FAM81A: variants seen among roughly 807,000 people sequenced by gnomAD.
FAM81A encodes the protein family with sequence similarity 81 member A, also known as protein FAM81A.
FAM81A carries 19 observed loss-of-function variants against 46.7 expected under a neutral mutation model. That is an observed-to-expected ratio of 0.41 (90% CI 0.28 to 0.60). The LOEUF is 0.60. Ranked by LOEUF, FAM81A falls within the 20% of genes least tolerant of loss-of-function variation. The pLI is 0.34. For missense variants in FAM81A, 377 were observed against 453.5 expected (o/e 0.83, Z 1.53); for synonymous variants, 183 against 152.9 (o/e 1.20, Z -1.45).
intron 8 of FAM81A, among the ~76,000 whole-genome samples, chr15:59,520,099 AT>A (rs111227397): frequency 7.7e-4 from 116 of 149,700 alleles, no homozygotes; most frequent in African/African-American, 2.6e-3. Flanking sequence ...TTTTTTTGTG[AT>A]TTTTTTTTTT....
chr15:59,477,949 A>T (rs192742167), intron 3 of FAM81A, among the ~76,000 whole-genome samples: 1 of 152,352 alleles, frequency 6.6e-6, no homozygotes, highest in East Asian at 1.9e-4. Context: ...GATCATCATC[A>T]TTATAAATTT....
chr15:59,510,539 G>A (rs2082195548), intron 6 of FAM81A, among the ~76,000 whole-genome samples: 3 of 152,110 alleles, frequency 2.0e-5, no homozygotes, highest in African/African-American at 7.2e-5. Flanking sequence ...TATTAAGGGT[G>A]AGAAGGTGGT....
At chr15:59,510,376 A>G (rs1284245086) in intron 6 of FAM81A, among the ~76,000 whole-genome samples, 1 of 151,618 alleles carries the variant, frequency 6.6e-6, no homozygotes, top group Non-Finnish European at 1.5e-5. Context: ...CTCAAAAAAA[A>G]AAAAAAAGAA....
chr15:59,449,957 T>C (rs1324666128), intron 1 of FAM81A, among the ~76,000 whole-genome samples: 1 of 151,694 alleles, frequency 6.6e-6, no homozygotes, highest in Non-Finnish European at 1.5e-5. Context: ...AATCTCACGC[T>C]GTTGCCCAGG....
At chr15:59,411,961 A>T (rs1204521909) in intron 2 of FAM81A, among the ~76,000 whole-genome samples, 1 of 151,704 alleles carries the variant, frequency 6.6e-6, no homozygotes, top group African/African-American at 2.4e-5. Flanking sequence ...AACCTGCTGC[A>T]GCCTTTACTT....
Position 59,463,556 on chromosome 15 carries a change from A to T in FAM81A, c.294+3350A>T, listed in dbSNP as rs564307361. On this transcript the variant is annotated intron_variant, in intron 3 of 8. Coordinates refer to ENST00000288228, the MANE Select transcript of FAM81A (RefSeq NM_152450.3). ...AGATTGCTTTGCATGTATAGATTTT[A>T]AAAAGGCTGGGTGCAGTGGCTCACA... is the stretch of plus-strand genomic sequence containing the variant. Among the ~76,000 whole-genome samples, 3 of 152,266 alleles carry T rather than the reference A, an allele frequency of 2.0e-5. No individual in the cohort carries two copies. In the East Asian group the frequency reaches 5.8e-4, roughly 29 times the overall value.
In FAM81A at chr15:59,459,947, TGCCCCGACACA is replaced by T; in HGVS notation, c.39_49del (p.Arg14ValfsTer24). On this transcript the variant is annotated frameshift_variant, in exon 3 of 9. Coordinates refer to ENST00000288228, the MANE Select transcript of FAM81A (RefSeq NM_152450.3). LOFTEE classifies it high-confidence loss of function. ...CCCTTCTGCAGGCGAGTGAGAACCA[TGCCCCGACACA>T]GCCAGTCCCTGACCATGGCACCATA... The T allele has an allele frequency of 6.2e-7, 1 of 1,604,352 alleles. No individual in the cohort carries two copies. Among genetic ancestry groups the T allele is most frequent in the Non-Finnish European group, 8.5e-7 (1 of 1,174,366 alleles).
intron 2 of FAM81A, among the ~76,000 whole-genome samples, chr15:59,422,037 G>A (rs2081176258): frequency 6.6e-6 from 1 of 151,956 alleles, no homozygotes. Context: ...GGTGTTCATT[G>A]TATTTTTTTT....
At chr15:59,441,134 C>T (rs1357601393) in intron 1 of FAM81A, among the ~76,000 whole-genome samples, 2 of 152,216 alleles carry the variant, frequency 1.3e-5, no homozygotes, top group Non-Finnish European at 2.9e-5. Context: ...GCAATCCACA[C>T]TCTTCATTCT....
At chr15:59,470,211 C>G (rs998095015) in intron 3 of FAM81A, among the ~76,000 whole-genome samples, 1 of 152,152 alleles carries the variant, frequency 6.6e-6, no homozygotes, top group African/African-American at 2.4e-5. Flanking sequence ...CTAGGAGTAT[C>G]TTTGTGGTGT....
In FAM81A at chr15:59,458,580, C is replaced by T. The variant is rs371514627; in HGVS notation, c.-47C>T. On this transcript the variant is annotated 5_prime_UTR_variant, in exon 2 of 9. The change creates a new upstream start codon in the 5' untranslated region. Transcript: ENST00000288228. ...AATTATTAAAAAGAAAATGGCCCAA[C>T]GGAGCACTGTATTTCCTTCTCGTGT... 2.0e-4 allele frequency: 324 copies of T among 1,613,406 alleles called. 6 individuals carry two copies. The South Asian group carries it at 3.2e-3, about 16-fold the overall frequency.
chr15:59,402,090 G>A (rs1489177443), intron 1 of FAM81A: 8 of 460,676 alleles, frequency 1.7e-5, no homozygotes, highest in African/African-American at 8.1e-5. Flanking sequence ...ATGAGCTGAC[G>A]CCGTGCAGGC....
At chr15:59,444,103 C>G (rs1178459672) in intron 1 of FAM81A, 1 of 152,294 alleles carries the variant, frequency 6.6e-6, no homozygotes, top group Non-Finnish European at 1.5e-5. Context: ...CGGTGGCTTG[C>G]TAGTGTTATT....
At chr15:59,423,087 T>G (rs1239399665) in intron 2 of FAM81A, among the ~76,000 whole-genome samples, 1 of 152,118 alleles carries the variant, frequency 6.6e-6, no homozygotes, top group Non-Finnish European at 1.5e-5. Flanking sequence ...GTATTATTAT[T>G]ATTTTTTATT....
intron 3 of FAM81A, among the ~76,000 whole-genome samples, chr15:59,491,244 G>GATAGAACGAGA (rs1447461513): frequency 6.6e-6 from 1 of 152,210 alleles, no homozygotes; most frequent in African/African-American, 2.4e-5. Flanking sequence ...GAAAGAATGA[G>GATAGAACGAGA]GTTCTGTCAT....
In FAM81A at chr15:59,510,245, A is replaced by C. The variant is rs981572791; in HGVS notation, c.650+1276A>C. Among the ~76,000 whole-genome samples, 40 of 152,002 alleles carry C rather than the reference A, an allele frequency of 2.6e-4. 1 individual carries two copies. The highest frequency in any genetic ancestry group is 1.3e-4 in the Non-Finnish European group (9 of 67,990). ...GCCAGGCATGGTGGCACAGGCCTGT[A>C]ATCCCAGCTACTCGGGAGGGTGAGA... On this transcript the variant is annotated intron_variant, in intron 6 of 8. Coordinates refer to ENST00000288228, the MANE Select transcript of FAM81A (RefSeq NM_152450.3).
At chr15:59,444,929 A>G (rs2081338336) in intron 1 of FAM81A, among the ~76,000 whole-genome samples, 1 of 152,160 alleles carries the variant, frequency 6.6e-6, no homozygotes, top group African/African-American at 2.4e-5. Flanking sequence ...AAATGTAGCT[A>G]TCAGTGATAA....
chr15:59,406,584 C>A (rs923064324), intron 2 of FAM81A, among the ~76,000 whole-genome samples: 1 of 152,182 alleles, frequency 6.6e-6, no homozygotes, highest in African/African-American at 2.4e-5. Flanking sequence ...AGTTGTGCAA[C>A]CATCACCACA....
rs1170660093 is a variant in FAM81A, at chr15:59,516,220, T to C, written c.787-425T>C. Among the ~76,000 whole-genome samples the C allele has an allele frequency of 4.0e-5, 6 of 148,332 alleles. No homozygotes were observed. The South Asian group carries it at 6.8e-4, about 17-fold the overall frequency. On this transcript the variant is annotated intron_variant, in intron 7 of 8. Coordinates refer to ENST00000288228, the MANE Select transcript of FAM81A (RefSeq NM_152450.3). The stretch of plus-strand genomic sequence containing the variant: ...TGGCTCACTGCAACCTCGCCTCCCC[T>C]GTTCAAGTGATTCTCCTGCCTCAGC...
Sources: gnomAD v4.1 joint callset for allele counts (sites outside exome capture counted in the v4.1 genomes callset) on GRCh38, gnomAD v4.1.1 for gene constraint, MANE v1.5 for transcripts, NCBI Gene and HGNC (gene_info 2026-07-23, HGNC 2026-07-21) for gene names.